Variants in KLF8 observed in about 807,000 individuals in gnomAD.
KLF8 encodes Krueppel-like factor 8.
Under a neutral mutation model 18.2 loss-of-function variants are expected in KLF8, and 10 were observed. That is an observed-to-expected ratio of 0.55 (90% CI 0.34 to 0.93). The LOEUF (loss-of-function observed/expected upper bound fraction) is 0.93, where lower values mean the gene tolerates loss of function less well. KLF8 is among the 40% of genes least tolerant of loss of function. KLF8 has a pLI of 0.02. For synonymous variants in KLF8, 109 were observed against 97.3 expected (o/e 1.12, Z -0.71); for missense variants, 264 against 277.9 (o/e 0.95, Z 0.36).
chrX:56,061,078 G>A, the KLF8 span, among the ~76,000 whole-genome samples: 1 of 111,485 alleles, frequency 9.0e-6, no homozygotes. Flanking sequence ...AGTCTGGCTA[G>A]AGGTCTATCT....
At chrX:56,025,330 A>G in the KLF8 span, among the ~76,000 whole-genome samples, 7 of 112,108 alleles carry the variant, frequency 6.2e-5, no homozygotes, top group African/African-American at 3.2e-5. Flanking sequence ...GCCTAGAGAT[A>G]CGTGCTCTCC....
the KLF8 span, among the ~76,000 whole-genome samples, chrX:56,186,453 G>A: frequency 1.1e-4 from 12 of 111,049 alleles, no homozygotes; most frequent in East Asian, 2.8e-4. Flanking sequence ...CACTGTCAAC[G>A]TTAGACAGAT....
the KLF8 span, among the ~76,000 whole-genome samples, chrX:55,972,505 TTA>T: frequency 1.8e-5 from 2 of 111,174 alleles, no homozygotes; most frequent in Non-Finnish European, 3.8e-5. Flanking sequence ...TGATTTAATT[TTA>T]TGTTTTAAAA....
the KLF8 span, among the ~76,000 whole-genome samples, chrX:56,194,800 C>T: frequency 8.9e-6 from 1 of 112,134 alleles, no homozygotes; most frequent in African/African-American, 3.2e-5. Flanking sequence ...AGACATCTCC[C>T]AGTAAGGGCT....
chrX:56,149,848 G>C, the KLF8 span, among the ~76,000 whole-genome samples: 2 of 110,722 alleles, frequency 1.8e-5, no homozygotes, highest in Non-Finnish European at 3.8e-5. Context: ...TTCCCCTTTA[G>C]AGTCACAGAG....
chrX:56,155,686 A>G, the KLF8 span, among the ~76,000 whole-genome samples: 1 of 111,779 alleles, frequency 8.9e-6, no homozygotes, highest in Admixed American at 9.6e-5. Context: ...TATTTTAGTT[A>G]CAGGATGTAC....
the KLF8 span, among the ~76,000 whole-genome samples, chrX:56,147,756 A>C: frequency 8.9e-6 from 1 of 112,373 alleles, no homozygotes; most frequent in Admixed American, 9.4e-5. Flanking sequence ...AGGTGGGTGG[A>C]TCACATGAGG....
At chrX:56,149,742 A>G in the KLF8 span, among the ~76,000 whole-genome samples, 1 of 111,384 alleles carries the variant, frequency 9.0e-6, no homozygotes, top group Non-Finnish European at 1.9e-5. Flanking sequence ...TATTTCACAA[A>G]GGTCCAGATT....
chrX:56,081,979 A>AT, the KLF8 span, among the ~76,000 whole-genome samples: 7 of 111,036 alleles, frequency 6.3e-5, no homozygotes, highest in East Asian at 2.8e-4. Context: ...ATAAATCAGG[A>AT]TTTTTTTCCC....
chrX:56,172,718 G>C, the KLF8 span, among the ~76,000 whole-genome samples: 2 of 111,458 alleles, frequency 1.8e-5, no homozygotes, highest in Admixed American at 1.9e-4. Context: ...TTCCAGTCCC[G>C]CCAACAGTGT....
the KLF8 span, among the ~76,000 whole-genome samples, chrX:56,071,552 T>C: frequency 8.9e-6 from 1 of 112,238 alleles, no homozygotes; most frequent in Non-Finnish European, 1.9e-5. Context: ...TAGAAGCTTT[T>C]CACTTCTGAA....
chrX:56,222,480 C>T, the KLF8 span, among the ~76,000 whole-genome samples: 10 of 112,698 alleles, frequency 8.9e-5, no homozygotes, highest in Non-Finnish European at 1.7e-4. Flanking sequence ...CATTTACAAT[C>T]CCCCAGCTAG....
At chrX:55,945,430 G>T in the KLF8 span, among the ~76,000 whole-genome samples, 25 of 111,202 alleles carry the variant, frequency 2.2e-4, no homozygotes, top group African/African-American at 7.5e-4. Context: ...TGACAGTGGG[G>T]TGTTAAAGTC....
At chrX:56,052,585 TC>T in the KLF8 span, among the ~76,000 whole-genome samples, 1 of 111,023 alleles carries the variant, frequency 9.0e-6, no homozygotes, top group East Asian at 2.8e-4. Flanking sequence ...TGCCCGGGGG[TC>T]AGGGGTCAAG....
chrX:56,093,564 A>G, the KLF8 span, among the ~76,000 whole-genome samples: 1 of 111,058 alleles, frequency 9.0e-6, no homozygotes, highest in Non-Finnish European at 1.9e-5. Flanking sequence ...TAAATCCTTT[A>G]TAAGAAAGGA....
chrX:55,983,958 ATTC>A, the KLF8 span, among the ~76,000 whole-genome samples: 1 of 109,288 alleles, frequency 9.2e-6, no homozygotes, highest in African/African-American at 3.3e-5. Flanking sequence ...TCATTATTTC[ATTC>A]TTCTTTATGG....
At chrX:56,202,249 T>C in the KLF8 span, among the ~76,000 whole-genome samples, 1 of 110,870 alleles carries the variant, frequency 9.0e-6, no homozygotes, top group East Asian at 2.8e-4. Flanking sequence ...TCTGTCTTTT[T>C]GGTTTGTTTG....
chrX:56,064,317 G>A, the KLF8 span, among the ~76,000 whole-genome samples: 4 of 108,122 alleles, frequency 3.7e-5, no homozygotes, highest in South Asian at 1.6e-3. Context: ...TTTAAAGTCT[G>A]TTATTTAAGT....
At chrX:56,105,840 T>C in the KLF8 span, among the ~76,000 whole-genome samples, 6 of 112,058 alleles carry the variant, frequency 5.4e-5, no homozygotes, top group African/African-American at 1.3e-4. Flanking sequence ...TGGCATGCTT[T>C]TGCAGTGGCT....
Sources: gnomAD v4.1 joint callset for allele counts (sites outside exome capture counted in the v4.1 genomes callset) on GRCh38, gnomAD v4.1.1 for gene constraint, MANE v1.5 for transcripts, NCBI Gene and HGNC (gene_info 2026-07-23, HGNC 2026-07-21) for gene names.